Variants in PTPRD observed in about 807,000 individuals in gnomAD.
The protein encoded by PTPRD is receptor-type tyrosine-protein phosphatase delta.
A neutral mutation model predicts 214.5 loss-of-function variants in PTPRD; 34 were observed. The ratio of observed to expected loss-of-function variants is 0.16; its 90% CI spans 0.12 to 0.21. PTPRD has a LOEUF of 0.21. Among genes scored for constraint, PTPRD ranks in the 10% least tolerant of loss-of-function variants. The probability of loss-of-function intolerance (pLI) is 1.00; values close to 1 mark genes in which losing one functional copy is unlikely to be tolerated. For synonymous variants in PTPRD, 1,128 were observed against 845.7 expected (o/e 1.33, Z -5.79); for missense variants, 2,545 against 2,398.7 (o/e 1.06, Z -1.27).
At chr9:9,164,843 T>A (rs1281324502) in intron 10 of PTPRD, among the ~76,000 whole-genome samples, 4 of 127,896 alleles carry the variant, frequency 3.1e-5, no homozygotes, top group Non-Finnish European at 6.7e-5. Flanking sequence ...TGAAATCCTG[T>A]CTCTACTAAA....
intron 12 of PTPRD, among the ~76,000 whole-genome samples, chr9:8,683,590 C>A (rs889779639): frequency 1.3e-5 from 2 of 152,150 alleles, no homozygotes; most frequent in African/African-American, 4.8e-5. Context: ...GTCCTTCTTG[C>A]CAGTCCTATG....
chr9:9,961,750 G>A (rs2094381534), intron 4 of PTPRD, among the ~76,000 whole-genome samples: 1 of 152,046 alleles, frequency 6.6e-6, no homozygotes, highest in Admixed American at 6.6e-5. Flanking sequence ...GTAATACGGT[G>A]CTTGGCAAAC....
intron 3 of PTPRD, among the ~76,000 whole-genome samples, chr9:10,325,251 C>T (rs888472907): frequency 2.6e-5 from 4 of 151,948 alleles, no homozygotes; most frequent in Non-Finnish European, 5.9e-5. Flanking sequence ...ACAGGAAATG[C>T]TGCTACTATT....
intron 2 of PTPRD, among the ~76,000 whole-genome samples, chr9:10,602,680 G>A (rs1384058751): frequency 6.6e-6 from 1 of 151,828 alleles, no homozygotes; most frequent in African/African-American, 2.4e-5. Flanking sequence ...ATGAGGCATA[G>A]GTAATACATA....
Position 8,331,409 on chromosome 9 carries a change from ATTTTCAC to A in PTPRD, c.5534+166_5534+172del, listed in dbSNP as rs554387982. ...TGGGGCTAAACATTTTCCTCTGATT[ATTTTCAC>A]TTATTTTCACTTTATGAAAAGAAAG... On this transcript the variant is annotated intron_variant, in intron 44 of 45. Transcript: ENST00000381196. Among the ~76,000 whole-genome samples, 37 of 47,210 alleles carry A rather than the reference ATTTTCAC, an allele frequency of 7.8e-4. No homozygotes were observed. The Admixed American group carries it at 8.6e-3, about 11-fold the overall frequency. The allele number at this position is 47,210 out of a possible 152,430, so 31.0% of individuals were successfully genotyped here. A position where few individuals can be genotyped will look rare whatever the true frequency, so the allele number is the denominator to read the frequency against.
chr9:9,280,157 G>A (rs1947145195), intron 9 of PTPRD, among the ~76,000 whole-genome samples: 1 of 151,210 alleles, frequency 6.6e-6, no homozygotes, highest in Non-Finnish European at 1.5e-5. Flanking sequence ...ATACTCTCAT[G>A]GCCCTTATGA....
At chr9:9,907,417 G>A (rs2077895059) in intron 5 of PTPRD, among the ~76,000 whole-genome samples, 1 of 151,948 alleles carries the variant, frequency 6.6e-6, no homozygotes, top group Non-Finnish European at 1.5e-5. Flanking sequence ...AGATCAAGTT[G>A]TTGGTAGGTC....
At chr9:9,565,729 T>C (rs1322395970) in intron 8 of PTPRD, among the ~76,000 whole-genome samples, 1 of 152,008 alleles carries the variant, frequency 6.6e-6, no homozygotes, top group Non-Finnish European at 1.5e-5. Flanking sequence ...ATTATTCATT[T>C]TTTGTGCATT....
chr9:9,761,600 A>G (rs2098657461), intron 6 of PTPRD, among the ~76,000 whole-genome samples: 1 of 152,142 alleles, frequency 6.6e-6, no homozygotes, highest in Non-Finnish European at 1.5e-5. Flanking sequence ...CAATTTCAAT[A>G]TGCTGGTTGT....
At chr9:8,923,041 C>CT (rs34945353) in intron 11 of PTPRD, among the ~76,000 whole-genome samples, 7 of 148,796 alleles carry the variant, frequency 4.7e-5, no homozygotes, top group Non-Finnish European at 7.4e-5. Flanking sequence ...TTTTGTCTGT[C>CT]TTTTTTTTTG....
intron 2 of PTPRD, among the ~76,000 whole-genome samples, chr9:10,508,476 G>A (rs1245460221): frequency 6.6e-6 from 1 of 152,124 alleles, no homozygotes; most frequent in Non-Finnish European, 1.5e-5. Context: ...AAATCATGCT[G>A]CTATGAAGAC....
At chr9:10,000,557 G>T (rs2096281749) in intron 4 of PTPRD, among the ~76,000 whole-genome samples, 1 of 152,076 alleles carries the variant, frequency 6.6e-6, no homozygotes, top group South Asian at 2.1e-4. Context: ...CAACAGTTAG[G>T]TTTACTTCTC....
At position 10,022,658 on chromosome 9, in the gene PTPRD, G is replaced by C. The variant is rs890223492; in HGVS notation, c.-472+11060C>G. ...GTGAGTATTTCATTCTAAACTATAGGAAAAAAATCATTAAATTAATTTATT... is the reference window on the plus strand; with the variant it reads ...GTGAGTATTTCATTCTAAACTATAGCAAAAAAATCATTAAATTAATTTATT... On this transcript the variant is annotated intron_variant, in intron 4 of 45. Coordinates refer to ENST00000381196, the MANE Select transcript of PTPRD (RefSeq NM_002839.4). 1.3e-5 allele frequency among the ~76,000 whole-genome samples: 2 copies of C among 151,994 alleles called. 1 individual carries two copies. Among genetic ancestry groups the C allele is most frequent in the South Asian group, 4.1e-4 (2 of 4,828 alleles).
chr9:8,368,522 C>G (rs911890791), intron 39 of PTPRD, among the ~76,000 whole-genome samples: 1 of 152,186 alleles, frequency 6.6e-6, no homozygotes, highest in African/African-American at 2.4e-5. Flanking sequence ...TTGGCCTCAC[C>G]TCTCTTCCAC....
intron 9 of PTPRD, among the ~76,000 whole-genome samples, chr9:9,270,270 G>A (rs776673761): frequency 6.6e-6 from 1 of 151,332 alleles, no homozygotes; most frequent in Non-Finnish European, 1.5e-5. Context: ...AGTAACATTT[G>A]TGATAATTGC....
At chr9:8,449,216 G>C (rs536876199) in intron 34 of PTPRD, among the ~76,000 whole-genome samples, 2 of 151,958 alleles carry the variant, frequency 1.3e-5, no homozygotes, top group South Asian at 4.2e-4. Context: ...ATTTAGTATA[G>C]GTAATATTTA....
chr9:9,740,126 A>G (rs1449334040), intron 6 of PTPRD, among the ~76,000 whole-genome samples: 1 of 152,092 alleles, frequency 6.6e-6, no homozygotes, highest in Admixed American at 6.5e-5. Flanking sequence ...TATATTGTAA[A>G]ATTATATACA....
intron 2 of PTPRD, among the ~76,000 whole-genome samples, chr9:10,565,600 C>A (rs995626419): frequency 6.6e-6 from 1 of 152,060 alleles, no homozygotes; most frequent in African/African-American, 2.4e-5. Context: ...TTTAAACACA[C>A]ACAAACACAC....
At chr9:9,151,271 C>T (rs2099876514) in intron 10 of PTPRD, among the ~76,000 whole-genome samples, 1 of 152,168 alleles carries the variant, frequency 6.6e-6, no homozygotes, top group African/African-American at 2.4e-5. Context: ...GCTTTCCCTC[C>T]CTCATGCCAG....
Sources: gnomAD v4.1 joint callset for allele counts (sites outside exome capture counted in the v4.1 genomes callset) on GRCh38, gnomAD v4.1.1 for gene constraint, MANE v1.5 for transcripts, NCBI Gene and HGNC (gene_info 2026-07-23, HGNC 2026-07-21) for gene names.